Variants in GPSM3 observed in about 807,000 individuals in gnomAD.
The protein encoded by GPSM3 is G protein-signaling modulator 3.
Under a neutral mutation model 20.4 loss-of-function variants are expected in GPSM3, and 16 were observed. The observed-to-expected ratio is 0.78, with a 90% CI of 0.53 to 1.19. GPSM3 has a LOEUF of 1.19. GPSM3 is among the 50% of genes most tolerant of loss of function. The pLI, the probability that GPSM3 is intolerant of heterozygous loss-of-function variation, is 0.00. For missense variants in GPSM3, 177 were observed against 204.6 expected, an observed-to-expected ratio of 0.86 and a Z score of 0.82; for synonymous variants, 70 against 79.6, an observed-to-expected ratio of 0.88 and a Z score of 0.64.
In GPSM3 at chr6:32,192,457, C is replaced by T. The variant is rs760317196; in HGVS notation, c.42+15G>A. On this transcript the variant is annotated intron_variant, in intron 1 of 3. Coordinates refer to ENST00000375040, the MANE Select transcript of GPSM3 (RefSeq NM_001276501.2). The surrounding 1 kb of genome is among the most constrained non-coding windows in gnomAD (Gnocchi z 5.1). Reference sequence around the variant, plus strand: ...TTTCCCAGTGTCAGCCTCCCCAACCCCGTGCCCAGCTCACCTGCTCACCAT... The same window carrying T: ...TTTCCCAGTGTCAGCCTCCCCAACCTCGTGCCCAGCTCACCTGCTCACCAT... 6.3e-7 allele frequency: 1 copy of T among 1,585,724 alleles called. No individual in the cohort carries two copies. Among genetic ancestry groups the T allele is most frequent in the South Asian group, 1.1e-5 (1 of 86,986 alleles).
At chr6:32,195,470 C>T, upstream of GPSM3, 1 of 1,610,598 alleles carries the variant, frequency 6.2e-7, no homozygotes, top group Non-Finnish European at 8.5e-7. The surrounding 1 kb of genome is among the most constrained non-coding windows in gnomAD (Gnocchi z 5.4). Flanking sequence ...GGTTTATGGG[C>T]ATTTCTTGGA....
At chr6:32,195,364 A>T, upstream of GPSM3, 2 of 1,433,076 alleles carry the variant, frequency 1.4e-6, no homozygotes, top group Non-Finnish European at 1.9e-6. The surrounding 1 kb of genome is among the most constrained non-coding windows in gnomAD (Gnocchi z 5.4). Context: ...ATCCATCTTA[A>T]AACCAGGAAG....
In GPSM3 at chr6:32,192,327, G is replaced by A. The variant is rs958385990; in HGVS notation, c.43-77C>T. The A allele has an allele frequency of 1.5e-6, 2 of 1,355,842 alleles. No individual in the cohort carries two copies. Among genetic ancestry groups the A allele is most frequent in the Admixed American group, 2.1e-5 (1 of 46,630 alleles). 84.0% of individuals were successfully genotyped at this position (1,355,842 alleles called of 1,614,324 possible). ...GGAGTGGACAGGGGGCTAGGCCAGT[G>A]GCCCGTTTCCTCTCTGTGTGTCTCT... is the stretch of plus-strand genomic sequence containing the variant. On this transcript the variant is annotated intron_variant, in intron 1 of 3. Transcript: ENST00000375040. The surrounding 1 kb of genome is among the most constrained non-coding windows in gnomAD (Gnocchi z 5.1).
At position 32,191,687 on chromosome 6, in the gene GPSM3, G is replaced by T; in HGVS notation, c.345+22C>A. On this transcript the variant is annotated intron_variant, in intron 3 of 3. Transcript: ENST00000375040. This position sits in a 1 kb window ranked among gnomAD's most constrained non-coding sequence, Gnocchi z 5.9. The stretch of plus-strand genomic sequence containing the variant: ...CCAAGAGACCAGGAGGCCTGGGTTT[G>T]CCTCCTGGGGGGATGTCTTACCTGG... 6.4e-7 allele frequency: 1 copy of T among 1,573,466 alleles called. No individual in the cohort carries two copies.
In GPSM3 at chr6:32,191,340, A is replaced by G; in HGVS notation, c.*26T>C. The G allele has an allele frequency of 1.3e-6, 2 of 1,570,738 alleles. No individual in the cohort carries two copies. Among genetic ancestry groups the G allele is most frequent in the Non-Finnish European group, 1.7e-6 (2 of 1,165,220 alleles). On this transcript the variant is annotated 3_prime_UTR_variant, in exon 4 of 4. Transcript: ENST00000375040. This position sits in a 1 kb window ranked among gnomAD's most constrained non-coding sequence, Gnocchi z 5.9. ...CTGCCCAGCTTTGAGACCAGTGGCA[A>G]GGAAGGGCTGGTTGGGGCTCAAGTC...
At chr6:32,194,024 T>C (rs1461587518), upstream of GPSM3, among the ~76,000 whole-genome samples, 1 of 152,178 alleles carries the variant, frequency 6.6e-6, no homozygotes, top group Non-Finnish European at 1.5e-5. The surrounding 1 kb of genome is among the most constrained non-coding windows in gnomAD (Gnocchi z 4.5). Context: ...CTGAGTGAAA[T>C]AGGGTTTTAA....
chr6:32,191,513 TG>T lies in GPSM3; in HGVS notation c.346-11del. ...CTTCCATCCGCTGGCACTGGAGGAG[TG>T]GAGGGAGAGGGAGAGCTTTGGTGAG... is the stretch of plus-strand genomic sequence containing the variant. On this transcript the variant is annotated splice_polypyrimidine_tract_variant and intron_variant, in intron 3 of 3. Coordinates refer to ENST00000375040, the MANE Select transcript of GPSM3 (RefSeq NM_001276501.2). This position sits in a 1 kb window ranked among gnomAD's most constrained non-coding sequence, Gnocchi z 5.9. 3 of 1,533,398 alleles carry T rather than the reference TG, an allele frequency of 2.0e-6. No homozygotes were observed. The highest frequency in any genetic ancestry group is 2.6e-6 in the Non-Finnish European group (3 of 1,141,530). 95.0% of individuals were successfully genotyped at this position (1,533,398 alleles called of 1,614,324 possible).
At chr6:32,195,521 C>T (rs535015603), upstream of GPSM3, 1 of 1,613,094 alleles carries the variant, frequency 6.2e-7, no homozygotes, top group East Asian at 2.2e-5. The surrounding 1 kb of genome is among the most constrained non-coding windows in gnomAD (Gnocchi z 5.4). Context: ...ATCCCCGCTC[C>T]GGGGACGGAG....
Position 32,191,584 on chromosome 6 carries a change from G to A in GPSM3, c.346-81C>T. 3 of 1,504,598 alleles carry A rather than the reference G, an allele frequency of 2.0e-6. No homozygotes were observed. The highest frequency in any genetic ancestry group is 2.7e-6 in the Non-Finnish European group (3 of 1,121,032). The allele number at this position is 1,504,598 out of a possible 1,614,324, so 93.2% of individuals were successfully genotyped here. ...CTTGAGAGGATCAAGGGTTGGTATGGGGAGGCATATAGGAAACCTGTGAAG... is the reference window on the plus strand; with the variant it reads ...CTTGAGAGGATCAAGGGTTGGTATGAGGAGGCATATAGGAAACCTGTGAAG... On this transcript the variant is annotated intron_variant, in intron 3 of 3. Coordinates refer to ENST00000375040, the MANE Select transcript of GPSM3 (RefSeq NM_001276501.2). This position sits in a 1 kb window ranked among gnomAD's most constrained non-coding sequence, Gnocchi z 5.9.
At position 32,191,487 on chromosome 6, in the gene GPSM3, G is replaced by A; in HGVS notation, c.362C>T (p.Ala121Val). 6.4e-7 allele frequency: 1 copy of A among 1,563,958 alleles called. No homozygotes were observed. The highest frequency in any genetic ancestry group is 8.6e-7 in the Non-Finnish European group (1 of 1,157,110). ...ILSHQCQRME[A>V]QRSEPPLPPG... ...AGGGAGGGGAGGCTCTGACCGCTGGGCTTCCATCCGCTGGCACTGGAGGAG... is the reference window on the plus strand; with the variant it reads ...AGGGAGGGGAGGCTCTGACCGCTGGACTTCCATCCGCTGGCACTGGAGGAG... The change falls in exon 4 of 4, where the codon GCC becomes GTC. Residue 121 changes from alanine to valine, a missense_variant. Ala to Val is a moderately conservative substitution (Grantham distance 64). Transcript: ENST00000375040. This position sits in a 1 kb window ranked among gnomAD's most constrained non-coding sequence, Gnocchi z 5.9.
rs769726202 is a variant in GPSM3, at chr6:32,191,697, G to T, written c.345+12C>A. 18 of 1,590,318 alleles carry T rather than the reference G, an allele frequency of 1.1e-5. No homozygotes were observed. The highest frequency in any genetic ancestry group is 3.4e-5 in the Admixed American group (2 of 58,676). Reference sequence around the variant, plus strand: ...AGGAGGCCTGGGTTTGCCTCCTGGGGGGATGTCTTACCTGGTGACTGAGGA... The same window carrying T: ...AGGAGGCCTGGGTTTGCCTCCTGGGTGGATGTCTTACCTGGTGACTGAGGA... On this transcript the variant is annotated intron_variant, in intron 3 of 3. Transcript: ENST00000375040. This position sits in a 1 kb window ranked among gnomAD's most constrained non-coding sequence, Gnocchi z 5.9.
At chr6:32,194,747 C>G, upstream of GPSM3, 1 of 222,118 alleles carries the variant, frequency 4.5e-6, no homozygotes, top group Non-Finnish European at 9.0e-6. This position sits in a 1 kb window ranked among gnomAD's most constrained non-coding sequence, Gnocchi z 4.5. Context: ...ATCCTCCATC[C>G]AATCCAAATG....
Position 32,191,318 on chromosome 6 carries a change from C to T in GPSM3, c.*48G>A. 1.3e-6 allele frequency: 2 copies of T among 1,558,598 alleles called. No homozygotes were observed. Among genetic ancestry groups the T allele is most frequent in the Non-Finnish European group, 1.7e-6 (2 of 1,159,932 alleles). On this transcript the variant is annotated 3_prime_UTR_variant, in exon 4 of 4. Transcript: ENST00000375040. This position sits in a 1 kb window ranked among gnomAD's most constrained non-coding sequence, Gnocchi z 5.9. ...AGAGTTGAGGGCATGCAATGGGCTG[C>T]CCAGCTTTGAGACCAGTGGCAAGGA... is the stretch of plus-strand genomic sequence containing the variant.
upstream of GPSM3, chr6:32,195,291 G>A (rs1320437757): frequency 2.7e-6 from 2 of 737,706 alleles, no homozygotes; most frequent in Non-Finnish European, 2.1e-6. This position sits in a 1 kb window ranked among gnomAD's most constrained non-coding sequence, Gnocchi z 5.4. Flanking sequence ...GAAGATGTCT[G>A]CTCTGGTGGG....
chr6:32,192,486 C>A lies in GPSM3; in HGVS notation c.28G>T (p.Glu10Ter). The A allele has an allele frequency of 6.3e-7, 1 of 1,592,352 alleles. No homozygotes were observed. The highest frequency in any genetic ancestry group is 1.3e-5 in the African/African-American group (1 of 74,706). Residue 10 changes from glutamate (E) to a stop codon, truncating the protein, a stop_gained, in exon 1 of 4, where the codon GAG (glutamate) becomes TAG (stop). Coordinates refer to ENST00000375040, the MANE Select transcript of GPSM3 (RefSeq NM_001276501.2). LOFTEE classifies it high-confidence loss of function. This position sits in a 1 kb window ranked among gnomAD's most constrained non-coding sequence, Gnocchi z 5.1. The part of the protein sequence containing the change: MEAERPQEE[E>*]DGEQGPPQDE... ...GCCCAGCTCACCTGCTCACCATCCTCTTCTTCCTGGGGTCTCTCAGCCTCC... is the reference window on the plus strand; with the variant it reads ...GCCCAGCTCACCTGCTCACCATCCTATTCTTCCTGGGGTCTCTCAGCCTCC...
Position 32,191,989 on chromosome 6 carries a change from G to C in GPSM3, c.146-81C>G. 1 of 1,391,150 alleles carries C rather than the reference G, an allele frequency of 7.2e-7. No individual in the cohort carries two copies. The allele number at this position is 1,391,150 out of a possible 1,614,324, so 86.2% of individuals were successfully genotyped here. A position where few individuals can be genotyped will look rare whatever the true frequency, so the allele number is the denominator to read the frequency against. ...CGTGGGGGAGTGTGGACAGGGTGACGTGATTAGGGACTTTGGATCAGAGGA... is the reference window on the plus strand; with the variant it reads ...CGTGGGGGAGTGTGGACAGGGTGACCTGATTAGGGACTTTGGATCAGAGGA... On this transcript the variant is annotated intron_variant, in intron 2 of 3. Transcript: ENST00000375040. The surrounding 1 kb of genome is among the most constrained non-coding windows in gnomAD (Gnocchi z 5.9).
upstream of GPSM3, chr6:32,195,420 C>G (rs1413937859): frequency 6.5e-7 from 1 of 1,548,700 alleles, no homozygotes; most frequent in African/African-American, 1.4e-5. This position sits in a 1 kb window ranked among gnomAD's most constrained non-coding sequence, Gnocchi z 5.4. Flanking sequence ...TGGAATTCCT[C>G]CCTACCATGT....
At chr6:32,195,210 TGGA>T, upstream of GPSM3, 1 of 548,602 alleles carries the variant, frequency 1.8e-6, no homozygotes, top group East Asian at 3.0e-5. The surrounding 1 kb of genome is among the most constrained non-coding windows in gnomAD (Gnocchi z 5.4). Context: ...TCTTATTTTC[TGGA>T]GGAGGACTGG....
rs759954428 is a variant in GPSM3 at position 32,192,025 on chromosome 6, A to C, written c.146-117T>G. ...CTTTGGATCAGAGGAGAGGGGGTGC[A>C]ATGGGGAATCCCAAGGGGAGTCTGG... On this transcript the variant is annotated intron_variant, in intron 2 of 3. Transcript: ENST00000375040. This position sits in a 1 kb window ranked among gnomAD's most constrained non-coding sequence, Gnocchi z 5.1. 55 of 1,243,030 alleles carry C rather than the reference A, an allele frequency of 4.4e-5. No homozygotes were observed. Among genetic ancestry groups the C allele is most frequent in the Non-Finnish European group, 6.1e-5 (53 of 870,066 alleles). 77.0% of individuals were successfully genotyped at this position (1,243,030 alleles called of 1,614,324 possible). A position where few individuals can be genotyped will look rare whatever the true frequency, so the allele number is the denominator to read the frequency against.
Sources: gnomAD v4.1 joint callset for allele counts (sites outside exome capture counted in the v4.1 genomes callset) on GRCh38, gnomAD v4.1.1 for gene constraint, Gnocchi (gnomAD v3.1) non-coding constraint, MANE v1.5 for transcripts, NCBI Gene and HGNC (gene_info 2026-07-23, HGNC 2026-07-21) for gene names.